BTNL3: variants seen among roughly 807,000 people sequenced by gnomAD.
BTNL3 encodes the protein butyrophilin-like protein 3.
Under a neutral mutation model 40.1 loss-of-function variants are expected in BTNL3, and 20 were observed. The ratio of observed to expected loss-of-function variants is 0.50; its 90% confidence interval spans 0.35 to 0.72. The LOEUF is 0.72. Ranked by LOEUF, BTNL3 falls within the 30% of genes least tolerant of loss-of-function variation. The pLI is 0.01. For synonymous variants in BTNL3, 179 were observed against 222.1 expected (o/e 0.81, Z 1.73); for missense variants, 449 against 582.2 (o/e 0.77, Z 2.35).
Position 180,995,134 on chromosome 5 carries a change from G to A in BTNL3, c.397+1974G>A, listed in dbSNP as rs561826977. Among the ~76,000 whole-genome samples the A allele has an allele frequency of 6.6e-5, 9 of 136,534 alleles. 1 individual carries two copies. In the South Asian group the frequency reaches 2.0e-3, roughly 30 times the overall value. 89.6% of individuals were successfully genotyped at this position (136,534 alleles called of 152,430 possible). On this transcript the variant is annotated intron_variant, in intron 2 of 7. Coordinates refer to ENST00000342868, the MANE Select transcript of BTNL3 (RefSeq NM_197975.3). ...TCCACTCTAGCATTGAAGCTACCCAGTTAGTTTTTGTTTTTGCATTTTTTT... is the reference window on the plus strand; with the variant it reads ...TCCACTCTAGCATTGAAGCTACCCAATTAGTTTTTGTTTTTGCATTTTTTT...
In BTNL3 at chr5:180,992,882, G is replaced by A. The variant is rs752595138; in HGVS notation, c.119G>A (p.Cys40Tyr). 6.8e-6 allele frequency: 10 copies of A among 1,463,216 alleles called. 1 individual carries two copies. In the East Asian group the frequency reaches 7.3e-5, roughly 11 times the overall value. The allele number at this position is 1,463,216 out of a possible 1,614,324, so 90.6% of individuals were successfully genotyped here. A position where few individuals can be genotyped will look rare whatever the true frequency, so the allele number is the denominator to read the frequency against. ...ALVGEDAVFS[C>Y]SLFPETSAEA... is the part of the protein sequence containing the mutation. ...GTGGGGGAGGACGCCGTGTTCTCCT[G>A]CTCCCTCTTTCCTGAGACCAGTGCA... Residue 40 changes from cysteine (C) to tyrosine (Y), a missense_variant, in exon 2 of 8, where the codon TGC becomes TAC. Physicochemically the swap from Cys to Tyr is radical, Grantham distance 194. This residue lies in a region of BTNL3 where 323 missense variants were observed against 464.9 expected (regional missense o/e 0.69). Coordinates refer to ENST00000342868, the MANE Select transcript of BTNL3 (RefSeq NM_197975.3).
At position 180,992,840 on chromosome 5, in the gene BTNL3, A is replaced by G; in HGVS notation, c.77A>G (p.Lys26Arg). ...SGQWQVTGPG[K>R]FVQALVGEDA... The stretch of plus-strand genomic sequence containing the variant: ...CAGTGGCAAGTCACTGGACCGGGCA[A>G]GTTTGTCCAGGCCTTGGTGGGGGAG... The change falls in exon 2 of 8, where the codon AAG (lysine) becomes AGG (arginine). Residue 26 changes from lysine (K) to arginine (R), a missense_variant. Transcript: ENST00000342868. 1 of 1,462,854 alleles carries G rather than the reference A, an allele frequency of 6.8e-7. No individual in the cohort carries two copies. Among genetic ancestry groups the G allele is most frequent in the Non-Finnish European group, 9.4e-7 (1 of 1,058,754 alleles). The allele number at this position is 1,462,854 out of a possible 1,614,324, so 90.6% of individuals were successfully genotyped here. A position where few individuals can be genotyped will look rare whatever the true frequency, so the allele number is the denominator to read the frequency against.
At chr5:181,004,991 A>T (rs111751678) in intron 7 of BTNL3, among the ~76,000 whole-genome samples, 1 of 152,138 alleles carries the variant, frequency 6.6e-6, no homozygotes, top group Non-Finnish European at 1.5e-5. Flanking sequence ...GGGCATTAGT[A>T]GCTGGCTTCT....
chr5:180,999,423 A>C (rs2113082396), intron 3 of BTNL3, among the ~76,000 whole-genome samples: 1 of 137,606 alleles, frequency 7.3e-6, no homozygotes, highest in Non-Finnish European at 1.7e-5. Context: ...CTAAAGATTT[A>C]GTAGAGATTT....
rs1391238849 is a variant in BTNL3 at position 180,995,485 on chromosome 5, C to G, written c.398-1728C>G. The stretch of plus-strand genomic sequence containing the variant: ...TTTTTGGTGGTTGTGGCTCCAAATA[C>G]AATTTAATTTTCAGAGACTTTACTG... On this transcript the variant is annotated intron_variant, in intron 2 of 7. Coordinates refer to ENST00000342868, the MANE Select transcript of BTNL3 (RefSeq NM_197975.3). 8.8e-5 allele frequency among the ~76,000 whole-genome samples: 12 copies of G among 136,698 alleles called. 3 individuals are homozygous for G. Among genetic ancestry groups the G allele is most frequent in the Non-Finnish European group, 1.5e-4 (9 of 59,788 alleles). The allele number at this position is 136,698 out of a possible 152,430, so 89.7% of individuals were successfully genotyped here.
At chr5:180,998,414 T>C (rs1299641520) in intron 3 of BTNL3, among the ~76,000 whole-genome samples, 1 of 136,746 alleles carries the variant, frequency 7.3e-6, no homozygotes, top group East Asian at 2.1e-4. Flanking sequence ...AGTTCTAAAA[T>C]TGATTAAATA....
At chr5:181,003,744 G>A (rs1760162983) in intron 4 of BTNL3, 112 bp from the exon 5 acceptor site, 3 of 1,570,554 alleles carry the variant, frequency 1.9e-6, no homozygotes, top group African/African-American at 1.3e-5. Context: ...TGTCCTAGGA[G>A]AGGCCCTGCC....
chr5:181,001,503 G>A (rs1157425277), intron 3 of BTNL3, among the ~76,000 whole-genome samples: 1 of 129,704 alleles, frequency 7.7e-6, no homozygotes, highest in African/African-American at 2.7e-5. Context: ...TTATAGATGG[G>A]GGGGGGTCTC....
At chr5:180,995,941 G>C (rs1760030944) in intron 2 of BTNL3, among the ~76,000 whole-genome samples, 1 of 135,532 alleles carries the variant, frequency 7.4e-6, no homozygotes, top group South Asian at 2.2e-4. Flanking sequence ...TTAGAGAAAG[G>C]AGCAAGGAAG....
Position 180,996,654 on chromosome 5 carries a change from G to A in BTNL3, c.398-559G>A, listed in dbSNP as rs1428661083. On this transcript the variant is annotated intron_variant, in intron 2 of 7. Transcript: ENST00000342868. ...TGGCATGTTAACTTTTCACATTGTG[G>A]TTTGTACTTGCCTCTTTTTGTCTAA... 2.9e-5 allele frequency among the ~76,000 whole-genome samples: 4 copies of A among 136,122 alleles called. 1 individual carries two copies. The highest frequency in any genetic ancestry group is 5.0e-5 in the Non-Finnish European group (3 of 59,518). 89.3% of individuals were successfully genotyped at this position (136,122 alleles called of 152,430 possible). A position where few individuals can be genotyped will look rare whatever the true frequency, so the allele number is the denominator to read the frequency against.
At chr5:180,992,782 G>T (rs1448324487) in intron 1 of BTNL3, 31 bp from the exon 2 acceptor site, 1 of 1,459,676 alleles carries the variant, frequency 6.9e-7, no homozygotes, top group African/African-American at 1.4e-5. Context: ...AGTGGATTTT[G>T]CTCAGTTGTC....
At chr5:180,999,492 G>C (rs1052634140) in intron 3 of BTNL3, among the ~76,000 whole-genome samples, 5 of 136,772 alleles carry the variant, frequency 3.7e-5, no homozygotes, top group African/African-American at 1.3e-4. Context: ...TGAAGTGAAA[G>C]TTTTCATAGA....
intron 2 of BTNL3, among the ~76,000 whole-genome samples, chr5:180,993,902 G>T (rs1425282740): frequency 7.3e-6 from 1 of 137,090 alleles, no homozygotes; most frequent in Admixed American, 7.7e-5. Flanking sequence ...CTGGATTCAA[G>T]TGACTCTTGT....
At chr5:180,995,632 G>A (rs971320367) in intron 2 of BTNL3, among the ~76,000 whole-genome samples, 1 of 136,784 alleles carries the variant, frequency 7.3e-6, no homozygotes, top group Non-Finnish European at 1.7e-5. Context: ...TTGTGAGAGA[G>A]GTGATCATCT....
rs147204650 is a variant in BTNL3, at chr5:181,003,885, C to T, written c.808+9C>T. 4.3e-6 allele frequency: 7 copies of T among 1,614,058 alleles called. No individual in the cohort carries two copies. In the East Asian group the frequency reaches 1.6e-4, roughly 36 times the overall value. Reference sequence around the variant, plus strand: ...AATCCAGGCGGAACTGGGTATGTGTCATGTCCTGAGCCTCCCACACATGGT... The same window carrying T: ...AATCCAGGCGGAACTGGGTATGTGTTATGTCCTGAGCCTCCCACACATGGT... On this transcript the variant is annotated intron_variant, in intron 5 of 7. Transcript: ENST00000342868.
intron 1 of BTNL3, among the ~76,000 whole-genome samples, chr5:180,990,482 T>A (rs1759955159): frequency 7.3e-6 from 1 of 137,862 alleles, no homozygotes; most frequent in Non-Finnish European, 1.7e-5. Flanking sequence ...ATGTAGAGCG[T>A]CCAGCACGGA....
At chr5:181,004,042 C>T (rs1393628581) in intron 5 of BTNL3, 166 bp downstream of exon 5, 30 of 1,539,210 alleles carry the variant, frequency 1.9e-5, no homozygotes, top group South Asian at 1.3e-4. Context: ...AGTTACCCCT[C>T]GGACATCTGG....
rs900948307 is a variant in BTNL3, at chr5:181,005,335, G to T, written c.864G>T (p.Val288=). 3.7e-6 allele frequency: 6 copies of T among 1,610,782 alleles called. No individual in the cohort carries two copies. Among genetic ancestry groups the T allele is most frequent in the Non-Finnish European group, 5.1e-6 (6 of 1,178,892 alleles). ...CCTCTCTCCCCCACCGCACCCCAGT[G>T]GAGGTGACTCTGGATCCAGAGACGG... ...AELRDARKHA[V]EVTLDPETAH... The change falls in exon 8 of 8, where the codon GTG becomes GTT. Residue 288 remains valine, a splice_region_variant and synonymous_variant. Transcript: ENST00000342868.
rs1760084058 is a variant in BTNL3 at position 180,999,948 on chromosome 5, C to A, written c.673+2460C>A. Among the ~76,000 whole-genome samples the A allele has an allele frequency of 1.5e-5, 2 of 136,744 alleles. 1 individual carries two copies. The highest frequency in any genetic ancestry group is 3.3e-5 in the Non-Finnish European group (2 of 59,882). 89.7% of individuals were successfully genotyped at this position (136,744 alleles called of 152,430 possible). A position where few individuals can be genotyped will look rare whatever the true frequency, so the allele number is the denominator to read the frequency against. On this transcript the variant is annotated intron_variant, in intron 3 of 7. Coordinates refer to ENST00000342868, the MANE Select transcript of BTNL3 (RefSeq NM_197975.3). ...CACAAGGCCCACATTGTTTTATATACAAAGTCTACCAAATATTCAAGAAAA... is the reference window on the plus strand; with the variant it reads ...CACAAGGCCCACATTGTTTTATATAAAAAGTCTACCAAATATTCAAGAAAA...
Sources: allele counts gnomAD v4.1 joint callset (sites outside exome capture counted in the v4.1 genomes callset), GRCh38; gene constraint gnomAD v4.1.1; regional missense constraint gnomAD v4.1.1; transcripts MANE v1.5; gene names NCBI Gene and HGNC (gene_info 2026-07-23, HGNC 2026-07-21).